Variants in PRELID2 observed in about 807,000 individuals in gnomAD.
PRELID2 encodes PRELI domain-containing protein 2.
A neutral mutation model predicts 28.4 loss-of-function variants in PRELID2; 25 were observed. The observed-to-expected ratio is 0.88, with a 90% confidence interval of 0.64 to 1.23. The LOEUF (loss-of-function observed/expected upper bound fraction) is 1.23, where lower values mean the gene tolerates loss of function less well. Among genes scored for constraint, PRELID2 ranks in the 50% most tolerant of loss-of-function variants. PRELID2 has a pLI of 0.00. For synonymous variants in PRELID2, 76 were observed against 71.6 expected, an observed-to-expected ratio of 1.06 and a Z score of -0.31; for missense variants, 201 against 214.4, an observed-to-expected ratio of 0.94 and a Z score of 0.39.
At chr5:145,627,022 C>A (rs1256734963) in intron 1 of PRELID2, among the ~76,000 whole-genome samples, 2 of 140,246 alleles carry the variant, frequency 1.4e-5, no homozygotes, top group Non-Finnish European at 3.0e-5. Flanking sequence ...ATTGCTCAAA[C>A]CCGGGAGGCA....
the PRELID2 span, among the ~76,000 whole-genome samples, chr5:145,289,585 T>C: frequency 6.6e-6 from 1 of 152,210 alleles, no homozygotes; most frequent in Non-Finnish European, 1.5e-5. Flanking sequence ...TGTGTGGACA[T>C]TCATTTTCAA....
chr5:145,337,368 A>T, the PRELID2 span, among the ~76,000 whole-genome samples: 1 of 151,856 alleles, frequency 6.6e-6, no homozygotes, highest in South Asian at 2.1e-4. Context: ...CCAATTTTTC[A>T]GCAAACACCA....
At chr5:145,392,264 A>G in the PRELID2 span, among the ~76,000 whole-genome samples, 6 of 149,814 alleles carry the variant, frequency 4.0e-5, no homozygotes, top group Middle Eastern at 6.9e-3. Flanking sequence ...GAAACTTACA[A>G]TCATGACAGA....
the PRELID2 span, among the ~76,000 whole-genome samples, chr5:145,271,408 G>T: frequency 2.6e-3 from 392 of 152,022 alleles, 2 homozygotes; most frequent in Non-Finnish European, 4.3e-3. Flanking sequence ...TAGAGATGAG[G>T]TCTCACTATG....
At chr5:145,711,606 A>G (rs1755697489) in intron 1 of PRELID2, among the ~76,000 whole-genome samples, 1 of 152,016 alleles carries the variant, frequency 6.6e-6, no homozygotes, top group African/African-American at 2.4e-5. Context: ...CAGAGTGGAG[A>G]GCTGTGAGAG....
chr5:145,268,651 T>C, the PRELID2 span, among the ~76,000 whole-genome samples: 1 of 152,130 alleles, frequency 6.6e-6, no homozygotes, highest in African/African-American at 2.4e-5. Context: ...CCATTAAGTA[T>C]CAACAGCTAA....
chr5:145,718,613 A>G (rs1755903237), intron 1 of PRELID2, among the ~76,000 whole-genome samples: 1 of 151,990 alleles, frequency 6.6e-6, no homozygotes. Flanking sequence ...CCATAAAACA[A>G]AAAACTAAAA....
chr5:145,575,221 A>G (rs1402926946), intron 1 of PRELID2, among the ~76,000 whole-genome samples: 2 of 152,122 alleles, frequency 1.3e-5, no homozygotes, highest in Non-Finnish European at 2.9e-5. Context: ...GAACCCCTAC[A>G]CTTTATTTAC....
At chr5:145,460,345 T>C in the PRELID2 span, among the ~76,000 whole-genome samples, 1 of 152,220 alleles carries the variant, frequency 6.6e-6, no homozygotes. Context: ...TAGTAAGATA[T>C]AGAACATGTA....
chr5:145,355,577 A>C, the PRELID2 span, among the ~76,000 whole-genome samples: 1 of 152,164 alleles, frequency 6.6e-6, no homozygotes, highest in Admixed American at 6.5e-5. Context: ...CAAACCATGC[A>C]TATACCCATA....
At chr5:145,284,194 G>A in the PRELID2 span, among the ~76,000 whole-genome samples, 2 of 152,168 alleles carry the variant, frequency 1.3e-5, no homozygotes, top group Non-Finnish European at 2.9e-5. Context: ...CACATAGTAT[G>A]TATTCAATGA....
chr5:145,582,962 C>T (rs1268907105), intron 1 of PRELID2, among the ~76,000 whole-genome samples: 1 of 152,078 alleles, frequency 6.6e-6, no homozygotes, highest in African/African-American at 2.4e-5. Flanking sequence ...AATCCTGATA[C>T]CAGCACCTAG....
At chr5:145,441,404 G>A in the PRELID2 span, among the ~76,000 whole-genome samples, 2 of 151,954 alleles carry the variant, frequency 1.3e-5, no homozygotes, top group African/African-American at 4.8e-5. Flanking sequence ...TACATCATTT[G>A]TAATATAATT....
At chr5:145,676,838 A>G (rs1458389781) in intron 1 of PRELID2, among the ~76,000 whole-genome samples, 1 of 152,180 alleles carries the variant, frequency 6.6e-6, no homozygotes, top group Admixed American at 6.5e-5. Flanking sequence ...CCACAGGAAT[A>G]AAATTAGCAA....
chr5:145,819,549 T>A, intron 3 of PRELID2: 1 of 599,286 alleles, frequency 1.7e-6, no homozygotes, highest in East Asian at 2.9e-5. Flanking sequence ...TCTCTGATAG[T>A]GAATTAGAAA....
chr5:145,487,136 AT>A (rs1192937770), intron 1 of PRELID2, among the ~76,000 whole-genome samples: 1 of 148,028 alleles, frequency 6.8e-6, no homozygotes, highest in East Asian at 2.0e-4. Flanking sequence ...GATATACCTA[AT>A]GCTAGATGAT....
intron 3 of PRELID2, chr5:145,819,340 T>A (rs1415292475): frequency 3.4e-6 from 5 of 1,449,710 alleles, no homozygotes; most frequent in Non-Finnish European, 3.9e-6. Flanking sequence ...TGAAAATCCC[T>A]CTATGGGTCA....
chr5:145,817,820 T>C lies in PRELID2; in HGVS notation c.368+74A>G, dbSNP rs1019204827. On this transcript the variant is annotated intron_variant, in intron 4 of 6. Coordinates refer to ENST00000683046, the MANE Select transcript of PRELID2 (RefSeq NM_205846.3). ...AACAGTGGTCATAAGTATAGAACCATAGATTTTTAATGTATGTACTCATGT... is the reference window on the plus strand; with the variant it reads ...AACAGTGGTCATAAGTATAGAACCACAGATTTTTAATGTATGTACTCATGT... 1.7e-5 allele frequency: 21 copies of C among 1,267,396 alleles called. 1 individual carries two copies. Among genetic ancestry groups the C allele is most frequent in the Middle Eastern group, 2.0e-4 (1 of 5,044 alleles). 78.5% of individuals were successfully genotyped at this position (1,267,396 alleles called of 1,614,324 possible).
At chr5:145,670,401 T>C (rs551532483) in intron 1 of PRELID2, among the ~76,000 whole-genome samples, 14 of 152,222 alleles carry the variant, frequency 9.2e-5, no homozygotes, top group African/African-American at 2.6e-4. Context: ...ACCTCCCCAC[T>C]TGGCCCCACC....
Sources: allele counts gnomAD v4.1 joint callset (sites outside exome capture counted in the v4.1 genomes callset), GRCh38; gene constraint gnomAD v4.1.1; transcripts MANE v1.5; gene names NCBI Gene and HGNC (gene_info 2026-07-23, HGNC 2026-07-21).